Variants in DMD observed in about 807,000 individuals in gnomAD.
DMD encodes mutant dystrophin.
Under a neutral mutation model 330.1 loss-of-function variants are expected in DMD, and 63 were observed. That is an observed-to-expected ratio of 0.19 (90% CI 0.16 to 0.24). The LOEUF (loss-of-function observed/expected upper bound fraction) is 0.24, where lower values mean the gene tolerates loss of function less well. DMD is among the 10% of genes least tolerant of loss of function. DMD has a pLI of 1.00. For synonymous variants in DMD, 1,223 were observed against 959.8 expected (o/e 1.27, Z -5.07); for missense variants, 3,344 against 2,684.1 (o/e 1.25, Z -5.43).
intron 44 of DMD, among the ~76,000 whole-genome samples, chrX:32,031,578 A>G (rs2095883400): frequency 8.9e-6 from 1 of 112,166 alleles, no homozygotes; most frequent in African/African-American, 3.2e-5. Flanking sequence ...ATTTGTAGAC[A>G]GTATTTTCTA....
At chrX:32,266,744 G>A (rs2097346177) in intron 43 of DMD, among the ~76,000 whole-genome samples, 1 of 111,450 alleles carries the variant, frequency 9.0e-6, no homozygotes, top group Admixed American at 9.5e-5. Flanking sequence ...TTTTATTTTT[G>A]ATTATACCTG....
At chrX:31,230,336 T>C (rs199728863) in intron 63 of DMD, among the ~76,000 whole-genome samples, 2 of 111,858 alleles carry the variant, frequency 1.8e-5, no homozygotes, top group East Asian at 5.5e-4. Flanking sequence ...ACCAATGACT[T>C]TGTAAAACTC....
intron 50 of DMD, among the ~76,000 whole-genome samples, chrX:31,810,000 T>C (rs1333797961): frequency 9.0e-6 from 1 of 110,657 alleles, no homozygotes; most frequent in Non-Finnish European, 1.9e-5. Context: ...CTTGGTATTA[T>C]TATTATTACA....
At chrX:32,325,872 C>T (rs775621987) in intron 41 of DMD, among the ~76,000 whole-genome samples, 128 of 103,848 alleles carry the variant, frequency 1.2e-3, no homozygotes, top group Non-Finnish European at 2.0e-3. Context: ...GGCTTGATCT[C>T]GGCTCACTGC....
chrX:31,687,974 T>C (rs1223650238), intron 52 of DMD, among the ~76,000 whole-genome samples: 1 of 111,315 alleles, frequency 9.0e-6, no homozygotes, highest in East Asian at 2.8e-4. Flanking sequence ...CAACTTTCTA[T>C]CCCTATCTCT....
chrX:32,351,855 G>A (rs1344939273), intron 37 of DMD, among the ~76,000 whole-genome samples: 1 of 110,218 alleles, frequency 9.1e-6, no homozygotes, highest in Non-Finnish European at 1.9e-5. Flanking sequence ...CAAAAAAGGG[G>A]GAAGATGTAA....
chrX:31,573,946 A>C (rs1331549644), intron 55 of DMD, among the ~76,000 whole-genome samples: 2 of 110,878 alleles, frequency 1.8e-5, no homozygotes, highest in Non-Finnish European at 3.8e-5. Flanking sequence ...AAGTTTTCTC[A>C]TTTAATCTTC....
chrX:31,428,871 C>T (rs2042384923), intron 60 of DMD, among the ~76,000 whole-genome samples: 1 of 111,933 alleles, frequency 8.9e-6, no homozygotes, highest in Admixed American at 9.4e-5. Context: ...GCCTGTAATC[C>T]CAGCACTTGG....
intron 60 of DMD, among the ~76,000 whole-genome samples, chrX:31,396,390 G>A (rs904261712): frequency 5.6e-4 from 62 of 110,944 alleles, no homozygotes; most frequent in Non-Finnish European, 3.6e-4. Context: ...GCCCGCCTCG[G>A]CCTCCCAAAG....
chrX:33,248,845 G>A (rs2052715956), intron 1 of DMD, among the ~76,000 whole-genome samples: 1 of 112,296 alleles, frequency 8.9e-6, no homozygotes, highest in Non-Finnish European at 1.9e-5. Context: ...AGAATCATGA[G>A]CAAATTAGAT....
chrX:33,201,847 A>G (rs1336964624), intron 1 of DMD, among the ~76,000 whole-genome samples: 1 of 112,452 alleles, frequency 8.9e-6, no homozygotes, highest in Non-Finnish European at 1.9e-5. Flanking sequence ...AATAAACTCT[A>G]AAAGAACAAC....
chrX:31,536,617 G>T (rs2073426630), intron 55 of DMD, among the ~76,000 whole-genome samples: 1 of 111,318 alleles, frequency 9.0e-6, no homozygotes, highest in African/African-American at 3.3e-5. Context: ...TGGGCATTTA[G>T]CTGCAGCTTC....
At chrX:31,460,300 T>C (rs1296982174) in intron 59 of DMD, among the ~76,000 whole-genome samples, 1 of 111,292 alleles carries the variant, frequency 9.0e-6, no homozygotes, top group African/African-American at 3.3e-5. Context: ...CACAAAAATA[T>C]ACCCTCCCCC....
chrX:31,439,541 A>G lies in DMD; in HGVS notation c.9084+4940T>C, dbSNP rs750680583. Among the ~76,000 whole-genome samples, 3 of 112,254 alleles carry G rather than the reference A, an allele frequency of 2.7e-5. No homozygotes were observed. In the East Asian group the frequency reaches 8.4e-4, roughly 31 times the overall value. ...ACATAATTTATGATACTGTTCTTTG[A>G]CATATGTAAAGAATCTAATAGCTGG... On this transcript the variant is annotated intron_variant, in intron 60 of 78. Transcript: ENST00000357033.
intron 45 of DMD, among the ~76,000 whole-genome samples, chrX:31,952,766 G>A (rs760918198): frequency 4.0e-5 from 4 of 100,514 alleles, no homozygotes; most frequent in Admixed American, 1.0e-4. Flanking sequence ...TGAACGTATC[G>A]TAAATTTTTC....
chrX:33,071,822 T>C (rs779877466), intron 1 of DMD, among the ~76,000 whole-genome samples: 62 of 112,240 alleles, frequency 5.5e-4, no homozygotes, highest in African/African-American at 2.0e-3. Flanking sequence ...CTCTTTTGCA[T>C]CTTACCCGGT....
At chrX:32,156,664 A>ACACACACACACG (rs1557181288) in intron 44 of DMD, among the ~76,000 whole-genome samples, 6 of 106,721 alleles carry the variant, frequency 5.6e-5, no homozygotes, top group African/African-American at 2.0e-4. Flanking sequence ...ACACACACAC[A>ACACACACACACG]CACGCACGCA....
chrX:31,366,306 A>G (rs1481269260), intron 60 of DMD, among the ~76,000 whole-genome samples: 1 of 108,400 alleles, frequency 9.2e-6, no homozygotes, highest in East Asian at 2.9e-4. Context: ...CTATGCGGGC[A>G]CTGGAGCAGA....
In DMD at chrX:32,070,795, T is replaced by C. The variant is rs769635972; in HGVS notation, c.6439-102281A>G. 5.4e-5 allele frequency among the ~76,000 whole-genome samples: 6 copies of C among 111,162 alleles called. No individual in the cohort carries two copies. The East Asian group carries it at 1.7e-3, about 32-fold the overall frequency. On this transcript the variant is annotated intron_variant, in intron 44 of 78. Coordinates refer to ENST00000357033, the MANE Select transcript of DMD (RefSeq NM_004006.3). ...TGAGGATGCAAAGGCATAAGAATGA[T>C]ACAATGGGCTTTGGAGACTTGGGGG...
Sources: allele counts gnomAD v4.1 joint callset (sites outside exome capture counted in the v4.1 genomes callset), GRCh38; gene constraint gnomAD v4.1.1; transcripts MANE v1.5; gene names NCBI Gene and HGNC (gene_info 2026-07-23, HGNC 2026-07-21).